MED13L: variants seen among roughly 807,000 people sequenced by gnomAD.
MED13L encodes the protein mediator complex subunit 13L, also known as mediator of RNA polymerase II transcription subunit 13-like.
MED13L carries 7 observed loss-of-function variants against 220.9 expected under a neutral mutation model. That is an observed-to-expected ratio of 0.03 (90% CI 0.02 to 0.06). The LOEUF (loss-of-function observed/expected upper bound fraction) is 0.06, where lower values mean the gene tolerates loss of function less well. Among genes scored for constraint, MED13L ranks in the 10% least tolerant of loss-of-function variants. MED13L has a pLI of 1.00. For missense variants in MED13L, 1,965 were observed against 2,760.5 expected, an observed-to-expected ratio of 0.71 and a Z score of 6.46; for synonymous variants, 1,011 against 1,015.2, an observed-to-expected ratio of 1.00 and a Z score of 0.08.
chr12:116,142,391 A>G (rs1045408813), intron 2 of MED13L, among the ~76,000 whole-genome samples: 1 of 152,164 alleles, frequency 6.6e-6, no homozygotes, highest in African/African-American at 2.4e-5. Flanking sequence ...CCTATCCAAG[A>G]CAAAAGACAT....
At chr12:116,004,758 A>G (rs1425853631) in intron 13 of MED13L, among the ~76,000 whole-genome samples, 1 of 152,118 alleles carries the variant, frequency 6.6e-6, no homozygotes, top group Non-Finnish European at 1.5e-5. Context: ...CTTCCAGACC[A>G]TTATGATCTC....
intron 2 of MED13L, among the ~76,000 whole-genome samples, chr12:116,207,662 G>C (rs1882432792): frequency 6.6e-6 from 1 of 152,058 alleles, no homozygotes. Flanking sequence ...TCAGCAGTTT[G>C]GGCATGGGAA....
intron 17 of MED13L, 33 bp downstream of exon 17, chr12:115,990,987 C>A (rs768349809): frequency 5.2e-5 from 83 of 1,601,528 alleles, no homozygotes; most frequent in Non-Finnish European, 6.9e-5. Context: ...CCAAGATACT[C>A]CTCAAAGTAA....
At chr12:116,226,477 T>A (rs779427321) in intron 2 of MED13L, among the ~76,000 whole-genome samples, 37 of 152,238 alleles carry the variant, frequency 2.4e-4, no homozygotes, top group Admixed American at 3.9e-4. Context: ...CTGGCCATAA[T>A]GATATTCAAT....
chr12:116,132,137 A>C (rs1876123723), intron 2 of MED13L, among the ~76,000 whole-genome samples: 1 of 151,656 alleles, frequency 6.6e-6, no homozygotes, highest in African/African-American at 2.4e-5. Context: ...AAAAATTAGC[A>C]GGTCATGACG....
chr12:116,213,905 C>T (rs1882851429), intron 2 of MED13L, among the ~76,000 whole-genome samples: 7 of 152,182 alleles, frequency 4.6e-5, no homozygotes. Context: ...AATCTTTGCT[C>T]ATCAGCCCAG....
intron 3 of MED13L, among the ~76,000 whole-genome samples, chr12:116,108,390 AGG>A (rs35576412): frequency 2.7e-4 from 11 of 41,248 alleles, no homozygotes; most frequent in East Asian, 1.1e-3. Context: ...TTTAAAAGAA[AGG>A]GGGGGGGGGC....
At chr12:116,133,431 A>C (rs1876254252) in intron 2 of MED13L, among the ~76,000 whole-genome samples, 1 of 152,160 alleles carries the variant, frequency 6.6e-6, no homozygotes. Flanking sequence ...TCAATTCAGC[A>C]TGACGGTAGA....
chr12:116,006,549 A>G, intron 11 of MED13L, 138 bp from the exon 12 acceptor site: 2 of 732,504 alleles, frequency 2.7e-6, no homozygotes, highest in Non-Finnish European at 4.9e-6. Flanking sequence ...CTATGCAACC[A>G]AAGGAAGTAA....
chr12:116,014,056 G>A (rs1375444193), intron 8 of MED13L, among the ~76,000 whole-genome samples: 2 of 152,232 alleles, frequency 1.3e-5, no homozygotes, highest in Non-Finnish European at 2.9e-5. Flanking sequence ...CCATTTTAAA[G>A]TGACTAGAGA....
At chr12:116,157,905 G>C (rs535012704) in intron 2 of MED13L, among the ~76,000 whole-genome samples, 2 of 152,316 alleles carry the variant, frequency 1.3e-5, no homozygotes, top group East Asian at 3.9e-4. Flanking sequence ...CCTTGCACCA[G>C]CAACAGTAGG....
chr12:116,134,501 T>A (rs1041209808), intron 2 of MED13L, among the ~76,000 whole-genome samples: 2 of 152,216 alleles, frequency 1.3e-5, no homozygotes, highest in African/African-American at 2.4e-5. Flanking sequence ...AATTCATGTA[T>A]CTATTCATTC....
At chr12:116,098,937 G>C (rs1872838129) in intron 3 of MED13L, among the ~76,000 whole-genome samples, 1 of 152,152 alleles carries the variant, frequency 6.6e-6, no homozygotes, top group South Asian at 2.1e-4. Flanking sequence ...TTTTATTAGA[G>C]TACATATAAA....
At chr12:116,132,887 G>A (rs1472050484) in intron 2 of MED13L, among the ~76,000 whole-genome samples, 2 of 151,946 alleles carry the variant, frequency 1.3e-5, no homozygotes, top group Non-Finnish European at 2.9e-5. Context: ...ACTCCAGCCT[G>A]GGTGACAAAG....
intron 1 of MED13L, among the ~76,000 whole-genome samples, chr12:116,269,431 T>C (rs1873085775): frequency 8.7e-6 from 1 of 114,798 alleles, no homozygotes; most frequent in Non-Finnish European, 1.8e-5. Flanking sequence ...CCCCCCAATC[T>C]ACTTTTAAAG....
intron 1 of MED13L, among the ~76,000 whole-genome samples, chr12:116,250,196 C>A (rs774477352): frequency 7.3e-5 from 11 of 151,434 alleles, no homozygotes; most frequent in Non-Finnish European, 1.0e-4. Flanking sequence ...AATATGCAGG[C>A]CAAAAACAAT....
At position 116,008,589 on chromosome 12, in the gene MED13L, G is replaced by T; in HGVS notation, c.1824C>A (p.Leu608=). The T allele has an allele frequency of 6.2e-7, 1 of 1,614,058 alleles. No homozygotes were observed. The highest frequency in any genetic ancestry group is 8.5e-7 in the Non-Finnish European group (1 of 1,179,998). ...RTVLVGQRLP[L]MAEVSETALY... is the part of the protein sequence containing the mutation. ...AGGCTGTCTCGCTGACCTCTGCCAT[G>T]AGAGGCAGTCTTTGGCCTACGAGGA... Residue 608 remains leucine (L), a synonymous_variant, in exon 10 of 31, where the codon CTC becomes CTA. Coordinates refer to ENST00000281928, the MANE Select transcript of MED13L (RefSeq NM_015335.5).
chr12:116,121,008 T>C (rs1175685032), intron 2 of MED13L, among the ~76,000 whole-genome samples: 1 of 152,146 alleles, frequency 6.6e-6, no homozygotes, highest in Non-Finnish European at 1.5e-5. Context: ...ACAGCCAGAT[T>C]AAAAACTAAA....
At chr12:116,239,517 A>G (rs1167755306) in intron 1 of MED13L, among the ~76,000 whole-genome samples, 4 of 152,196 alleles carry the variant, frequency 2.6e-5, no homozygotes, top group Non-Finnish European at 5.9e-5. Context: ...TTATTCTTCA[A>G]AATACACTTT....
Sources: allele counts gnomAD v4.1 joint callset (sites outside exome capture counted in the v4.1 genomes callset), GRCh38; gene constraint gnomAD v4.1.1; transcripts MANE v1.5; gene names NCBI Gene and HGNC (gene_info 2026-07-23, HGNC 2026-07-21).